RNU12: variants seen among roughly 807,000 people sequenced by gnomAD.
RNU12 encodes RNA, U12 small nuclear 1.
chr22:42,615,335 G>T (rs1044728255), exon 1 of RNU12: 1 of 170,510 alleles, frequency 5.9e-6, no homozygotes, highest in South Asian at 9.7e-5. Flanking sequence ...AGCGGGTAAA[G>T]GTCGCCCTCA....
exon 1 of RNU12, chr22:42,615,249 T>G (rs1366773741): frequency 8.7e-6 from 2 of 229,832 alleles, no homozygotes; most frequent in Admixed American, 5.8e-5. Context: ...TCCTTATGCC[T>G]TAAACTTATG....
chr22:42,615,292 G>GC (rs1370050764), exon 1 of RNU12: 1 of 206,096 alleles, frequency 4.9e-6, no homozygotes, highest in African/African-American at 2.4e-5. Flanking sequence ...GGTGACGCCC[G>GC]AATCCTCACT....
At chr22:42,615,256 T>C in exon 1 of RNU12, 2 of 217,062 alleles carry the variant, frequency 9.2e-6, no homozygotes, top group South Asian at 5.0e-5. Context: ...GCCTTAAACT[T>C]ATGAGTAAGG....
chr22:42,615,248 CTTA>C, exon 1 of RNU12: 1 of 232,852 alleles, frequency 4.3e-6, no homozygotes, highest in Non-Finnish European at 8.6e-6. Flanking sequence ...GTCCTTATGC[CTTA>C]AACTTATGAG....
exon 1 of RNU12, chr22:42,615,294 A>T: frequency 4.9e-6 from 1 of 205,574 alleles, no homozygotes; most frequent in Non-Finnish European, 1.0e-5. Context: ...TGACGCCCGA[A>T]TCCTCACTGC....
chr22:42,615,279 C>T lies in RNU12; in HGVS notation n.36C>T, dbSNP rs771269952. 120 of 200,184 alleles carry T rather than the reference C, an allele frequency of 6.0e-4. 1 individual carries two copies. The highest frequency in any genetic ancestry group is 4.6e-3 in the Middle Eastern group (2 of 436). The allele number at this position is 200,184 out of a possible 1,614,324, so 12.4% of individuals were successfully genotyped here. On this transcript the variant is annotated non_coding_transcript_exon_variant, in exon 1 of 1. Coordinates refer to ENST00000362512, the Ensembl canonical transcript of RNU12. ...CTTATGAGTAAGGAAAATAACGATT[C>T]GGGGTGACGCCCGAATCCTCACTGC...
exon 1 of RNU12, chr22:42,615,309 G>T (rs561562343): frequency 1.4e-4 from 25 of 181,726 alleles, no homozygotes; most frequent in Non-Finnish European, 2.0e-4. Flanking sequence ...CACTGCTAAT[G>T]TGAGACGAAT....
exon 1 of RNU12, chr22:42,615,303 G>T (rs575604944): frequency 4.8e-5 from 9 of 186,850 alleles, no homozygotes; most frequent in Non-Finnish European, 1.0e-4. Flanking sequence ...AATCCTCACT[G>T]CTAATGTGAG....
Sources: gnomAD v4.1 joint callset for allele counts on GRCh38, gnomAD v4.1.1 for gene constraint, MANE v1.5 for transcripts, NCBI Gene and HGNC (gene_info 2026-07-23, HGNC 2026-07-21) for gene names.